TAB2: variants seen among roughly 807,000 people sequenced by gnomAD.
The protein encoded by TAB2 is TGF-beta-activated kinase 1 and MAP3K7-binding protein 2.
In TAB2, 3 loss-of-function variants were observed where a neutral mutation model predicts 65.0. The ratio of observed to expected loss-of-function variants is 0.05; its 90% confidence interval spans 0.02 to 0.12. The LOEUF is 0.12. Ranked by LOEUF, TAB2 falls within the 10% of genes least tolerant of loss-of-function variation. The pLI is 1.00. For missense variants in TAB2, 623 were observed against 840.3 expected, an observed-to-expected ratio of 0.74 and a Z score of 3.20; for synonymous variants, 298 against 285.1, an observed-to-expected ratio of 1.05 and a Z score of -0.46.
At position 149,221,995 on chromosome 6, in the gene TAB2, G is replaced by A. The variant is rs181408780; in HGVS notation, c.-121+3219G>A. On this transcript the variant is annotated intron_variant, in intron 1 of 1. Transcript: ENST00000606202. ...GAAGAGACTAAGATTTGAGTCAGTA[G>A]ACTGAGTAAAAATTGCCCTCACCAA... Among the ~76,000 whole-genome samples, 170 of 152,312 alleles carry A rather than the reference G, an allele frequency of 1.1e-3. 2 individuals carry two copies. Among genetic ancestry groups the A allele is most frequent in the African/African-American group, 3.9e-3 (164 of 41,572 alleles).
rs1022561832 is a variant in TAB2 at position 149,411,008 on chromosome 6, A to C, written c.*1289A>C. On this transcript the variant is annotated 3_prime_UTR_variant, in exon 7 of 7. Transcript: ENST00000637181. ...TAGCCATATTTAGGACAACTGAAGAAAAGCTGGAAAAAAAAACAAGCAAAC... is the reference window on the plus strand; with the variant it reads ...TAGCCATATTTAGGACAACTGAAGACAAGCTGGAAAAAAAAACAAGCAAAC... 1 of 152,586 alleles carries C rather than the reference A, an allele frequency of 6.6e-6. No individual in the cohort carries two copies. Among genetic ancestry groups the C allele is most frequent in the African/African-American group, 2.4e-5 (1 of 41,430 alleles). The allele number at this position is 152,586 out of a possible 1,614,324, so 9.5% of individuals were successfully genotyped here. A position where few individuals can be genotyped will look rare whatever the true frequency, so the allele number is the denominator to read the frequency against.
At chr6:149,254,007 A>AAAGG (rs1562389392) in intron 1 of TAB2, among the ~76,000 whole-genome samples, 2 of 145,220 alleles carry the variant, frequency 1.4e-5, no homozygotes, top group African/African-American at 5.3e-5. Context: ...AGAAAGAAAG[A>AAAGG]AAGAAAGAAA....
intron 1 of TAB2, among the ~76,000 whole-genome samples, chr6:149,337,858 G>C (rs1184040394): frequency 2.0e-5 from 3 of 152,140 alleles, no homozygotes; most frequent in Non-Finnish European, 4.4e-5. Context: ...TAGGGATAGG[G>C]TGGTAAGCAG....
chr6:149,352,082 A>G lies in TAB2; in HGVS notation c.-89-17827A>G, dbSNP rs1780511532. 2.0e-5 allele frequency among the ~76,000 whole-genome samples: 3 copies of G among 152,064 alleles called. 1 individual carries two copies. In the South Asian group the frequency reaches 6.2e-4, roughly 32 times the overall value. On this transcript the variant is annotated intron_variant, in intron 1 of 6. Transcript: ENST00000637181. ...TAATAGTAAAGGCCAATACTTTGTC[A>G]AGTTTAAATTATGTAAATTGAGTAG... is the stretch of plus-strand genomic sequence containing the variant.
intron 2 of TAB2, among the ~76,000 whole-genome samples, chr6:149,371,083 A>C: frequency 6.6e-6 from 1 of 151,498 alleles, no homozygotes; most frequent in East Asian, 1.9e-4. Context: ...AAAAAAAAAA[A>C]AAAAAAAGTG....
chr6:149,221,781 G>C (rs1038637303), intron 1 of TAB2, among the ~76,000 whole-genome samples: 8 of 152,204 alleles, frequency 5.3e-5, no homozygotes, highest in Middle Eastern at 3.2e-3. Context: ...AAGGAGGGGA[G>C]AAGTGAGTTT....
intron 1 of TAB2, among the ~76,000 whole-genome samples, chr6:149,305,217 G>A (rs1355306788): frequency 6.6e-6 from 1 of 152,158 alleles, no homozygotes; most frequent in Non-Finnish European, 1.5e-5. Context: ...GTTTTGTCAT[G>A]GATAGAATGT....
intron 1 of TAB2, among the ~76,000 whole-genome samples, chr6:149,332,624 A>T (rs143981856): frequency 1.3e-5 from 2 of 152,332 alleles, no homozygotes; most frequent in Non-Finnish European, 2.9e-5. Context: ...TGAAGTAACT[A>T]CATGTTGTGG....
intron 2 of TAB2, chr6:149,372,272 A>C (rs1209590298): frequency 6.6e-6 from 1 of 152,174 alleles, no homozygotes; most frequent in African/African-American, 2.4e-5. Context: ...GAGTATATAG[A>C]CAGAGCAAGA....
rs1203909438 is a variant in TAB2 at position 149,403,245 on chromosome 6, AAAATATATAT to A, written c.1939+4063_1939+4072del. On this transcript the variant is annotated intron_variant, in intron 6 of 6. Coordinates refer to ENST00000637181, the MANE Select transcript of TAB2 (RefSeq NM_001292034.3). ...GCGAAACTCTTGTCTAAAAAAAAAA[AAAATATATAT>A]ATATATATATATATATATATATATA... Among the ~76,000 whole-genome samples, 22 of 47,172 alleles carry A rather than the reference AAAATATATAT, an allele frequency of 4.7e-4. 2 individuals are homozygous for A. Among genetic ancestry groups the A allele is most frequent in the East Asian group, 3.0e-3 (3 of 1,010 alleles). The allele number at this position is 47,172 out of a possible 152,430, so 30.9% of individuals were successfully genotyped here.
chr6:149,408,850 ATAAG>A (rs1477901748), intron 6 of TAB2, among the ~76,000 whole-genome samples: 10 of 152,164 alleles, frequency 6.6e-5, no homozygotes, highest in African/African-American at 2.4e-4. Context: ...CCTTTATTTT[ATAAG>A]TAAGAAACAA....
intron 3 of TAB2, among the ~76,000 whole-genome samples, chr6:149,394,139 G>C (rs1336877841): frequency 6.6e-6 from 1 of 150,888 alleles, no homozygotes; most frequent in East Asian, 1.9e-4. Flanking sequence ...CTTGTTTCTT[G>C]GTGTGTTCAG....
chr6:149,321,520 C>T (rs1019444256), intron 1 of TAB2: 2 of 152,132 alleles, frequency 1.3e-5, no homozygotes, highest in Non-Finnish European at 2.9e-5. Flanking sequence ...TTCCATCTCT[C>T]AAAACAGCCT....
chr6:149,277,414 T>C (rs1371873154), intron 1 of TAB2, among the ~76,000 whole-genome samples: 1 of 152,146 alleles, frequency 6.6e-6, no homozygotes, highest in Non-Finnish European at 1.5e-5. Flanking sequence ...AATATACTGT[T>C]AAGATAAAAA....
At chr6:149,292,375 C>T (rs1162378271) in intron 1 of TAB2, among the ~76,000 whole-genome samples, 2 of 152,170 alleles carry the variant, frequency 1.3e-5, no homozygotes, top group African/African-American at 2.4e-5. Flanking sequence ...ATAAAAAGCA[C>T]AGCTTTAGAA....
chr6:149,377,835 T>C (rs1260781835), intron 2 of TAB2, among the ~76,000 whole-genome samples, 183 bp from the exon 3 acceptor site: 1 of 152,172 alleles, frequency 6.6e-6, no homozygotes, highest in Non-Finnish European at 1.5e-5. Flanking sequence ...AGCTTTTCCA[T>C]TACATTAGTA....
At chr6:149,227,826 C>G (rs1777314911) in intron 1 of TAB2, among the ~76,000 whole-genome samples, 1 of 152,134 alleles carries the variant, frequency 6.6e-6, no homozygotes, top group African/African-American at 2.4e-5. Context: ...ATTGTTATTA[C>G]TGGGTGATGG....
intron 1 of TAB2, among the ~76,000 whole-genome samples, chr6:149,297,301 T>C (rs957079661): frequency 1.3e-5 from 2 of 152,218 alleles, no homozygotes; most frequent in Non-Finnish European, 2.9e-5. Flanking sequence ...CAATTTTAAA[T>C]TCAGGATCCA....
At position 149,275,234 on chromosome 6, in the gene TAB2, GAGAAAGAAAGAAAGAAAGAA is replaced by G. The variant is rs746637120; in HGVS notation, c.-121+56506_-121+56525del. ...TTGGGCGGGGGAGGGGGGAGAGAGA[GAGAAAGAAAGAAAGAAAGAA>G]AGAAAGAAAGAAAGAAAGAAAGAAA... On this transcript the variant is annotated intron_variant, in intron 1 of 1. Transcript: ENST00000606202. Among the ~76,000 whole-genome samples the G allele has an allele frequency of 7.4e-3, 482 of 65,394 alleles. 2 individuals are homozygous for G. The highest frequency in any genetic ancestry group is 0.027 in the Middle Eastern group (4 of 150). The allele number at this position is 65,394 out of a possible 152,430, so 42.9% of individuals were successfully genotyped here. A position where few individuals can be genotyped will look rare whatever the true frequency, so the allele number is the denominator to read the frequency against.
Sources: gnomAD v4.1 joint callset for allele counts (sites outside exome capture counted in the v4.1 genomes callset) on GRCh38, gnomAD v4.1.1 for gene constraint, MANE v1.5 for transcripts, NCBI Gene and HGNC (gene_info 2026-07-23, HGNC 2026-07-21) for gene names.